PLXNA2: variants seen among roughly 807,000 people sequenced by gnomAD.
PLXNA2 encodes the protein plexin A2.
Under a neutral mutation model 193.5 loss-of-function variants are expected in PLXNA2, and 91 were observed. The observed-to-expected ratio is 0.47, with a 90% CI of 0.40 to 0.56. The LOEUF is 0.56. PLXNA2 is among the 20% of genes least tolerant of loss of function. The probability of loss-of-function intolerance (pLI) is 0.00; values close to 1 mark genes in which losing one functional copy is unlikely to be tolerated. For missense variants in PLXNA2, 1,995 were observed against 2,503.2 expected, an observed-to-expected ratio of 0.80 and a Z score of 4.33; for synonymous variants, 997 against 1,027.3, an observed-to-expected ratio of 0.97 and a Z score of 0.56.
chr1:208,096,139 CA>C lies in PLXNA2; in HGVS notation c.1886-15del. ...GCCCAAACCAGTCTGGAAAAACAAA[CA>C]AAAAAGGATGGGGTTGGGTAACAAC... On this transcript the variant is annotated splice_polypyrimidine_tract_variant and intron_variant, in intron 7 of 31. Transcript: ENST00000367033. 6.2e-7 allele frequency: 1 copy of C among 1,604,750 alleles called. No homozygotes were observed. The highest frequency in any genetic ancestry group is 8.5e-7 in the Non-Finnish European group (1 of 1,172,896).
intron 3 of PLXNA2, among the ~76,000 whole-genome samples, chr1:208,183,764 G>A (rs2102551529): frequency 6.6e-6 from 1 of 152,270 alleles, no homozygotes. Context: ...AAAAGAAATT[G>A]CACTGTAGCA....
chr1:208,166,097 A>G (rs373467735), intron 3 of PLXNA2, among the ~76,000 whole-genome samples: 1 of 152,198 alleles, frequency 6.6e-6, no homozygotes, highest in Admixed American at 6.5e-5. Flanking sequence ...CAAAGAAATC[A>G]TAAGGGCAGA....
intron 4 of PLXNA2, among the ~76,000 whole-genome samples, chr1:208,136,297 C>T (rs554921542): frequency 6.6e-6 from 1 of 152,310 alleles, no homozygotes; most frequent in East Asian, 1.9e-4. Flanking sequence ...TATCCCCAAA[C>T]CTGGGGGTGG....
rs144858994 is a variant in PLXNA2 at position 208,099,583 on chromosome 1, T to C, written c.1608-614A>G. ...GACTCTGTTATTTTTGTTTGTTTGT[T>C]TTTTTGAGACAGAGTCTTGCTCTGT... is the stretch of plus-strand genomic sequence containing the variant. On this transcript the variant is annotated intron_variant, in intron 5 of 31. Coordinates refer to ENST00000367033, the MANE Select transcript of PLXNA2 (RefSeq NM_025179.4). Among the ~76,000 whole-genome samples the C allele has an allele frequency of 3.7e-3, 559 of 152,220 alleles. 5 individuals are homozygous for C. The highest frequency in any genetic ancestry group is 0.013 in the African/African-American group (532 of 41,516).
intron 3 of PLXNA2, among the ~76,000 whole-genome samples, chr1:208,156,541 C>G (rs1668946433): frequency 1.3e-5 from 2 of 152,182 alleles, no homozygotes. Context: ...TTAGGCCACA[C>G]AGCCAGCCAG....
intron 15 of PLXNA2, 88 bp downstream of exon 15, chr1:208,052,239 A>G: frequency 7.5e-7 from 1 of 1,328,630 alleles, no homozygotes; most frequent in Non-Finnish European, 1.1e-6. Context: ...GTGATGGGGC[A>G]GGCCTATGAA....
Position 208,051,359 on chromosome 1 carries a change from CAG to C in PLXNA2, c.3056_3057del (p.Pro1019ArgfsTer12). ...TGGGCTCGGTCGACACTCACAGAAACAGGGACCGGGCCAAGGCCATTGGATGA... is the reference window on the plus strand; with the variant it reads ...TGGGCTCGGTCGACACTCACAGAAACGGACCGGGCCAAGGCCATTGGATGA... ...PPSSNGLGPVPVSVSVDRAHV... is the reference protein window; with the variant it reads ...PPSSNGLGPVXVSVSVDRAHV... On this transcript the variant is annotated frameshift_variant, in exon 16 of 32. Transcript: ENST00000367033. LOFTEE classifies it high-confidence loss of function. The C allele has an allele frequency of 6.2e-7, 1 of 1,613,616 alleles. No homozygotes were observed. Among genetic ancestry groups the C allele is most frequent in the Non-Finnish European group, 8.5e-7 (1 of 1,179,876 alleles).
At chr1:208,073,929 C>A (rs1054057243) in intron 12 of PLXNA2, among the ~76,000 whole-genome samples, 1 of 152,140 alleles carries the variant, frequency 6.6e-6, no homozygotes, top group African/African-American at 2.4e-5. Context: ...CCCCTCACAG[C>A]GCTCAGAAGG....
chr1:208,103,260 G>C lies in PLXNA2; in HGVS notation c.1507-13C>G. Reference sequence around the variant, plus strand: ...GGACCCTGGTGACCTGGCAGAGAGAGCAAAGAGGGTACAGTGAGGTTAGGC... The same window carrying C: ...GGACCCTGGTGACCTGGCAGAGAGACCAAAGAGGGTACAGTGAGGTTAGGC... On this transcript the variant is annotated splice_polypyrimidine_tract_variant and intron_variant, in intron 4 of 31. Coordinates refer to ENST00000367033, the MANE Select transcript of PLXNA2 (RefSeq NM_025179.4). The C allele has an allele frequency of 6.2e-7, 1 of 1,603,202 alleles. No individual in the cohort carries two copies. The highest frequency in any genetic ancestry group is 8.5e-7 in the Non-Finnish European group (1 of 1,171,080).
At position 208,082,814 on chromosome 1, in the gene PLXNA2, G is replaced by A. The variant is rs190058109; in HGVS notation, c.2299-306C>T. Among the ~76,000 whole-genome samples, 1 of 152,208 alleles carries A rather than the reference G, an allele frequency of 6.6e-6. No homozygotes were observed. Among genetic ancestry groups the A allele is most frequent in the East Asian group, 1.9e-4 (1 of 5,176 alleles). Reference sequence around the variant, plus strand: ...TCTTTGTTGAGTTCCTATCTCATAAGGAATGCAACCGTCTCCCTACAACCT... The same window carrying A: ...TCTTTGTTGAGTTCCTATCTCATAAAGAATGCAACCGTCTCCCTACAACCT... On this transcript the variant is annotated intron_variant, in intron 10 of 31. Transcript: ENST00000367033. This position sits in a 1 kb window ranked among gnomAD's most constrained non-coding sequence, Gnocchi z 4.2.
intron 1 of PLXNA2, among the ~76,000 whole-genome samples, chr1:208,241,179 T>C (rs1480024672): frequency 6.6e-6 from 1 of 152,194 alleles, no homozygotes; most frequent in Non-Finnish European, 1.5e-5. Context: ...TATTGGTAAA[T>C]GGGAAAGGGA....
At chr1:208,060,580 G>T in intron 13 of PLXNA2, 106 bp downstream of exon 13, 2 of 1,181,760 alleles carry the variant, frequency 1.7e-6, no homozygotes, top group Non-Finnish European at 2.4e-6. Flanking sequence ...GGAGGAGAAT[G>T]TAATGGGAGA....
intron 3 of PLXNA2, among the ~76,000 whole-genome samples, chr1:208,148,100 T>G (rs1278068790): frequency 6.6e-6 from 1 of 152,184 alleles, no homozygotes; most frequent in African/African-American, 2.4e-5. Flanking sequence ...AATGTCAGCT[T>G]CTTTTCTTGA....
chr1:208,241,913 G>A (rs1291568759), intron 1 of PLXNA2, among the ~76,000 whole-genome samples: 2 of 151,592 alleles, frequency 1.3e-5, no homozygotes, highest in Admixed American at 6.6e-5. Flanking sequence ...AGATTCCACT[G>A]TTTCCTTGGT....
Position 208,223,964 on chromosome 1 carries a change from T to A in PLXNA2, c.-80-5962A>T, listed in dbSNP as rs372513891. Among the ~76,000 whole-genome samples the A allele has an allele frequency of 1.3e-3, 193 of 152,280 alleles. 5 individuals carry two copies. The South Asian group carries it at 0.038, about 30-fold the overall frequency. ...TTTTGGTTTAAGATTTCTGTGAGAA[T>A]AAAATTGTCTAAATGTGAGAGTCTG... On this transcript the variant is annotated intron_variant, in intron 1 of 31. Transcript: ENST00000367033.
At chr1:208,140,620 G>T (rs1032938843) in intron 4 of PLXNA2, among the ~76,000 whole-genome samples, 1 of 152,198 alleles carries the variant, frequency 6.6e-6, no homozygotes, top group Admixed American at 6.5e-5. Flanking sequence ...TAAGTGCCTG[G>T]AATGGTGCTC....
chr1:208,085,599 G>C (rs1222312858), intron 9 of PLXNA2, among the ~76,000 whole-genome samples: 1 of 152,230 alleles, frequency 6.6e-6, no homozygotes, highest in Admixed American at 6.5e-5. Flanking sequence ...AATGGCAAAT[G>C]CAATAATTAA....
At chr1:208,201,797 T>C (rs1339468111) in intron 3 of PLXNA2, among the ~76,000 whole-genome samples, 2 of 152,164 alleles carry the variant, frequency 1.3e-5, no homozygotes, top group African/African-American at 4.8e-5. Context: ...TGTAGTAATA[T>C]TTAAATGCAC....
intron 9 of PLXNA2, among the ~76,000 whole-genome samples, chr1:208,088,086 T>C (rs955639825): frequency 3.3e-5 from 5 of 152,322 alleles, no homozygotes; most frequent in African/African-American, 1.2e-4. Flanking sequence ...TCTCTTTGGG[T>C]CATCTTCTTT....
Sources: gnomAD v4.1 joint callset for allele counts (sites outside exome capture counted in the v4.1 genomes callset) on GRCh38, gnomAD v4.1.1 for gene constraint, Gnocchi (gnomAD v3.1) non-coding constraint, MANE v1.5 for transcripts, NCBI Gene and HGNC (gene_info 2026-07-23, HGNC 2026-07-21) for gene names.